Variants in NME7 observed in about 807,000 individuals in gnomAD.
The protein encoded by NME7 is nucleoside diphosphate kinase 7.
A neutral mutation model predicts 49.1 loss-of-function variants in NME7; 41 were observed. The observed-to-expected ratio is 0.83, with a 90% CI of 0.65 to 1.08. The LOEUF (loss-of-function observed/expected upper bound fraction) is 1.08, where lower values mean the gene tolerates loss of function less well. Ranked by LOEUF, NME7 falls within the 50% of genes least tolerant of loss-of-function variation. The pLI is 0.00. For synonymous variants in NME7, 139 were observed against 150.6 expected, an observed-to-expected ratio of 0.92 and a Z score of 0.56; for missense variants, 423 against 463.4, an observed-to-expected ratio of 0.91 and a Z score of 0.80.
intron 10 of NME7, among the ~76,000 whole-genome samples, chr1:169,229,844 C>T (rs1408056241): frequency 6.6e-6 from 1 of 152,016 alleles, no homozygotes; most frequent in Non-Finnish European, 1.5e-5. Context: ...CACCTGTAGT[C>T]CCAGCTACTC....
At chr1:169,145,432 C>T (rs1000306042) in intron 11 of NME7, among the ~76,000 whole-genome samples, 3 of 152,196 alleles carry the variant, frequency 2.0e-5, no homozygotes, top group Non-Finnish European at 4.4e-5. Flanking sequence ...GCTCTTCTCT[C>T]TTATGCCAGA....
chr1:169,326,178 C>T (rs1038969919), intron 1 of NME7, among the ~76,000 whole-genome samples: 1 of 151,996 alleles, frequency 6.6e-6, no homozygotes, highest in African/African-American at 2.4e-5. Flanking sequence ...GTAGCCTATC[C>T]ACCAAACCTG....
intron 7 of NME7, among the ~76,000 whole-genome samples, chr1:169,281,336 C>A (rs535115005): frequency 5.0e-4 from 76 of 151,722 alleles, no homozygotes; most frequent in Non-Finnish European, 8.7e-4. Flanking sequence ...TGCTTATCAG[C>A]ATAAGGAGGT....
chr1:169,202,889 G>A (rs1052454927), intron 10 of NME7, among the ~76,000 whole-genome samples: 19 of 152,068 alleles, frequency 1.2e-4, no homozygotes, highest in African/African-American at 4.6e-4. Flanking sequence ...TGAAGTAATG[G>A]CATGGGTATG....
intron 10 of NME7, among the ~76,000 whole-genome samples, chr1:169,175,484 G>A (rs981483331): frequency 6.6e-6 from 1 of 152,030 alleles, no homozygotes; most frequent in African/African-American, 2.4e-5. Context: ...ATTTTATGTA[G>A]TATACTTTAA....
intron 10 of NME7, among the ~76,000 whole-genome samples, chr1:169,229,818 C>T (rs1647520714): frequency 6.6e-6 from 1 of 151,944 alleles, no homozygotes; most frequent in Non-Finnish European, 1.5e-5. Context: ...AAAGATTAGC[C>T]AGGCGGGGTG....
chr1:169,249,000 G>A (rs1558006416), intron 7 of NME7, among the ~76,000 whole-genome samples: 1 of 151,912 alleles, frequency 6.6e-6, no homozygotes, highest in East Asian at 1.9e-4. Context: ...TTTTAGAATT[G>A]TTTTTTCTAA....
intron 1 of NME7, among the ~76,000 whole-genome samples, chr1:169,366,779 AG>A (rs1446270873): frequency 6.6e-6 from 1 of 152,180 alleles, no homozygotes; most frequent in East Asian, 1.9e-4. Flanking sequence ...GGGTTTGTAA[AG>A]GGAAGGTTTG....
chr1:169,359,701 T>C (rs559100043), intron 1 of NME7, among the ~76,000 whole-genome samples: 1 of 152,198 alleles, frequency 6.6e-6, no homozygotes, highest in South Asian at 2.1e-4. Flanking sequence ...ATATGTATCA[T>C]GTAAATATTG....
At chr1:169,289,918 G>A (rs1413392018) in intron 6 of NME7, among the ~76,000 whole-genome samples, 9 of 151,906 alleles carry the variant, frequency 5.9e-5, no homozygotes, top group African/African-American at 2.2e-4. Flanking sequence ...GGATTTGAGG[G>A]GCTAAAATAT....
chr1:169,239,241 T>C (rs554577428), intron 7 of NME7, among the ~76,000 whole-genome samples: 6 of 152,118 alleles, frequency 3.9e-5, no homozygotes, highest in Non-Finnish European at 7.4e-5. Flanking sequence ...AGAATGCTGA[T>C]TGGAAAAAAA....
At chr1:169,342,347 G>A (rs1652740710) in intron 1 of NME7, among the ~76,000 whole-genome samples, 1 of 151,752 alleles carries the variant, frequency 6.6e-6, no homozygotes, top group Non-Finnish European at 1.5e-5. Flanking sequence ...ATGATTGTAA[G>A]TTTCCTGAGG....
intron 1 of NME7, among the ~76,000 whole-genome samples, chr1:169,332,581 G>A (rs182520843): frequency 5.8e-4 from 88 of 151,520 alleles, no homozygotes; most frequent in Middle Eastern, 3.4e-3. Flanking sequence ...TCTGACAAGG[G>A]ATTAATAACC....
At chr1:169,360,769 C>T (rs557376112) in intron 1 of NME7, among the ~76,000 whole-genome samples, 9 of 152,308 alleles carry the variant, frequency 5.9e-5, no homozygotes, top group African/African-American at 2.2e-4. Flanking sequence ...GCTCTTGGAA[C>T]CAACCAATAT....
intron 9 of NME7, among the ~76,000 whole-genome samples, chr1:169,232,568 A>C (rs894199230): frequency 4.0e-5 from 6 of 150,502 alleles, no homozygotes; most frequent in African/African-American, 1.5e-4. Flanking sequence ...GGGGGGGGGC[A>C]GGGGAAAGAA....
intron 6 of NME7, among the ~76,000 whole-genome samples, chr1:169,287,993 G>A (rs933947029): frequency 2.6e-5 from 4 of 152,102 alleles, no homozygotes; most frequent in African/African-American, 9.7e-5. Context: ...CCACAAAGAT[G>A]TTCACACTAA....
chr1:169,355,325 TA>T (rs1557837912), intron 1 of NME7, among the ~76,000 whole-genome samples: 3 of 96,882 alleles, frequency 3.1e-5, no homozygotes, highest in Admixed American at 1.7e-4. Flanking sequence ...ATATTATATA[TA>T]ATATATTGTA....
chr1:169,246,239 A>G (rs966433835), intron 7 of NME7, among the ~76,000 whole-genome samples: 5 of 152,110 alleles, frequency 3.3e-5, no homozygotes. Context: ...TCAGGAGGCC[A>G]AGGTTGCAGT....
At chr1:169,149,280 G>A (rs1319403350) in intron 11 of NME7, among the ~76,000 whole-genome samples, 1 of 152,156 alleles carries the variant, frequency 6.6e-6, no homozygotes, top group Non-Finnish European at 1.5e-5. Context: ...GGCGGAGGTT[G>A]CAGTGAGCCA....
Sources: allele counts gnomAD v4.1 joint callset (sites outside exome capture counted in the v4.1 genomes callset), GRCh38; gene constraint gnomAD v4.1.1; transcripts MANE v1.5; gene names NCBI Gene and HGNC (gene_info 2026-07-23, HGNC 2026-07-21).